The following TBCK variants were observed in gnomAD, a reference collection of about 807,000 sequenced individuals.
TBCK encodes TBC domain-containing protein kinase-like protein.
Under a neutral mutation model 113.4 loss-of-function variants are expected in TBCK, and 99 were observed. The observed-to-expected ratio is 0.87, with a 90% CI of 0.74 to 1.03. TBCK has a LOEUF of 1.03. Ranked by LOEUF, TBCK falls within the 50% of genes least tolerant of loss-of-function variation. The probability of loss-of-function intolerance (pLI) is 0.00; values close to 1 mark genes in which losing one functional copy is unlikely to be tolerated. For synonymous variants in TBCK, 369 were observed against 370.8 expected, an observed-to-expected ratio of 1.00 and a Z score of 0.05; for missense variants, 1,045 against 1,061.3, an observed-to-expected ratio of 0.98 and a Z score of 0.21.
chr4:106,256,175 G>A (rs1321627477), intron 5 of TBCK, among the ~76,000 whole-genome samples: 2 of 152,142 alleles, frequency 1.3e-5, no homozygotes, highest in Non-Finnish European at 2.9e-5. Flanking sequence ...TCCCACTCAG[G>A]TCCACGGGAC....
At chr4:106,082,578 A>G (rs1356680224) in intron 25 of TBCK, among the ~76,000 whole-genome samples, 1 of 152,114 alleles carries the variant, frequency 6.6e-6, no homozygotes, top group Non-Finnish European at 1.5e-5. Context: ...GTACCTCTAG[A>G]ACTTCAACTT....
intron 5 of TBCK, among the ~76,000 whole-genome samples, chr4:106,257,154 C>T (rs1457287576): frequency 6.6e-6 from 1 of 152,092 alleles, no homozygotes; most frequent in African/African-American, 2.4e-5. Flanking sequence ...AAATTTGAAT[C>T]CCAGTGCCTA....
At chr4:106,174,507 T>C (rs1751398195) in intron 22 of TBCK, among the ~76,000 whole-genome samples, 1 of 152,090 alleles carries the variant, frequency 6.6e-6, no homozygotes, top group Non-Finnish European at 1.5e-5. Flanking sequence ...GATTTTCTGT[T>C]TCTCTGTTAA....
chr4:106,154,176 T>C (rs1476967116), intron 23 of TBCK, among the ~76,000 whole-genome samples: 3 of 152,142 alleles, frequency 2.0e-5, no homozygotes, highest in African/African-American at 7.2e-5. Context: ...AAGGGGATTT[T>C]CTATTGTGAT....
chr4:106,223,915 C>T (rs1757964671), intron 19 of TBCK, among the ~76,000 whole-genome samples: 1 of 152,086 alleles, frequency 6.6e-6, no homozygotes, highest in South Asian at 2.1e-4. Context: ...AATTAATACT[C>T]TAAGATTCTG....
At chr4:106,222,208 A>G (rs1468220328) in intron 19 of TBCK, among the ~76,000 whole-genome samples, 2 of 152,062 alleles carry the variant, frequency 1.3e-5, no homozygotes, top group Non-Finnish European at 2.9e-5. Flanking sequence ...GTAAAACCTT[A>G]TAACTTTTAA....
intron 25 of TBCK, among the ~76,000 whole-genome samples, chr4:106,073,481 C>A (rs980696977): frequency 1.3e-4 from 20 of 152,194 alleles, no homozygotes; most frequent in Admixed American, 1.2e-3. Context: ...GATCCTTACT[C>A]TGGAAGCTTC....
At chr4:106,198,209 C>T (rs1754480379) in intron 20 of TBCK, among the ~76,000 whole-genome samples, 1 of 152,142 alleles carries the variant, frequency 6.6e-6, no homozygotes, top group African/African-American at 2.4e-5. Flanking sequence ...TAGTTAACCT[C>T]TGTGAATCCC....
chr4:106,116,997 C>T (rs1281941835), intron 23 of TBCK, among the ~76,000 whole-genome samples: 1 of 151,966 alleles, frequency 6.6e-6, no homozygotes, highest in Non-Finnish European at 1.5e-5. Flanking sequence ...CAAACCCAGT[C>T]CATGGAAACA....
chr4:106,138,914 T>C lies in TBCK; in HGVS notation c.2236-22536A>G, dbSNP rs564060839. On this transcript the variant is annotated intron_variant, in intron 23 of 25. Transcript: ENST00000394708. ...TCAAGTTTCAATGGCAATACTGATC[T>C]GGAGTTTCAGTGAGTAGAGTCAGCT... 2.9e-3 allele frequency among the ~76,000 whole-genome samples: 404 copies of C among 141,236 alleles called. 33 individuals are homozygous for C. The highest frequency in any genetic ancestry group is 9.6e-3 in the African/African-American group (382 of 39,988). 92.7% of individuals were successfully genotyped at this position (141,236 alleles called of 152,430 possible).
chr4:106,102,851 C>A (rs6849573), intron 24 of TBCK, among the ~76,000 whole-genome samples: 39,701 of 151,870 alleles, frequency 0.26, 5,646 homozygotes, highest in South Asian at 0.42. Context: ...CCATATTGTA[C>A]AGGGTCACAT....
chr4:106,221,078 C>T (rs1757622780), intron 19 of TBCK, among the ~76,000 whole-genome samples: 1 of 152,198 alleles, frequency 6.6e-6, no homozygotes, highest in South Asian at 2.1e-4. Flanking sequence ...TGTAAAATTA[C>T]ATGGCTAATT....
intron 3 of TBCK, among the ~76,000 whole-genome samples, chr4:106,288,946 G>C (rs1049548200): frequency 6.6e-6 from 1 of 152,128 alleles, no homozygotes; most frequent in Non-Finnish European, 1.5e-5. Context: ...AATGAAGTTC[G>C]TGTTTACACT....
chr4:106,285,379 C>T (rs755550209), intron 3 of TBCK, among the ~76,000 whole-genome samples: 3 of 151,944 alleles, frequency 2.0e-5, no homozygotes, highest in South Asian at 2.1e-4. Context: ...TGGAGCTTCA[C>T]GATAGGCTTA....
chr4:106,249,204 A>G lies in TBCK; in HGVS notation c.659-222T>C, dbSNP rs561248711. Among the ~76,000 whole-genome samples, 11 of 152,298 alleles carry G rather than the reference A, an allele frequency of 7.2e-5. No homozygotes were observed. In the East Asian group the frequency reaches 2.1e-3, roughly 29 times the overall value. Reference sequence around the variant, plus strand: ...AACTGACACTGAAAGATACCAGCTTAAATAGTTTGATAAAGGAGCAATTCC... The same window carrying G: ...AACTGACACTGAAAGATACCAGCTTGAATAGTTTGATAAAGGAGCAATTCC... On this transcript the variant is annotated intron_variant, in intron 7 of 25. Coordinates refer to ENST00000394708, the MANE Select transcript of TBCK (RefSeq NM_001163435.3).
At chr4:106,289,767 C>CAAA (rs574557805) in intron 3 of TBCK, among the ~76,000 whole-genome samples, 2 of 65,240 alleles carry the variant, frequency 3.1e-5, no homozygotes, top group Non-Finnish European at 6.2e-5. Context: ...GACTCTGTCT[C>CAAA]AAAAAAAAAA....
chr4:106,046,715 A>C, intron 25 of TBCK, 35 bp from the exon 26 acceptor site: 1 of 1,137,054 alleles, frequency 8.8e-7, no homozygotes, highest in Non-Finnish European at 1.3e-6. Flanking sequence ...TTTAGAGGAT[A>C]TACAGAAGAC....
chr4:106,314,191 G>C (rs1768504850), intron 1 of TBCK, among the ~76,000 whole-genome samples: 1 of 152,086 alleles, frequency 6.6e-6, no homozygotes, highest in South Asian at 2.1e-4. Context: ...GAGAAAGTGG[G>C]CATAAATGTA....
At chr4:106,290,989 G>A (rs980084474) in intron 3 of TBCK, among the ~76,000 whole-genome samples, 1 of 152,062 alleles carries the variant, frequency 6.6e-6, no homozygotes, top group Non-Finnish European at 1.5e-5. Flanking sequence ...TAATAGAGAG[G>A]TTTGACTGCA....
Sources: allele counts gnomAD v4.1 joint callset (sites outside exome capture counted in the v4.1 genomes callset), GRCh38; gene constraint gnomAD v4.1.1; transcripts MANE v1.5; gene names NCBI Gene and HGNC (gene_info 2026-07-23, HGNC 2026-07-21).